The following RYR2 variants were observed in gnomAD, a reference collection of about 807,000 sequenced individuals.
RYR2 encodes ryanodine receptor 2, also known as cardiac muscle ryanodine receptor-calcium release channel.
RYR2 carries 227 observed loss-of-function variants against 601.1 expected under a neutral mutation model. That is an observed-to-expected ratio of 0.38 (90% CI 0.34 to 0.42). The LOEUF is 0.42. Ranked by LOEUF, RYR2 falls within the 10% of genes least tolerant of loss-of-function variation. The pLI is 1.00. For missense variants in RYR2, 4,646 were observed against 6,156.5 expected (o/e 0.75, Z 8.21); for synonymous variants, 2,223 against 2,175.1 (o/e 1.02, Z -0.61).
rs75090182 is a variant in RYR2, at chr1:237,579,367, C to T, written c.3598+10048C>T. 2.0e-4 allele frequency among the ~76,000 whole-genome samples: 30 copies of T among 150,282 alleles called. No homozygotes were observed. In the East Asian group the frequency reaches 5.9e-3, roughly 30 times the overall value. ...CGCCTCCTGAGTTCAAGCGATTCTC[C>T]TGTCTCAGCCTCCAGAGTAGCTGGG... is the stretch of plus-strand genomic sequence containing the variant. On this transcript the variant is annotated intron_variant, in intron 29 of 104. Transcript: ENST00000366574.
chr1:237,670,317 G>T (rs1423282255), intron 58 of RYR2, among the ~76,000 whole-genome samples: 1 of 134,406 alleles, frequency 7.4e-6, no homozygotes, highest in Non-Finnish European at 1.6e-5. Context: ...ACTGGAGAGG[G>T]AGAGGGAGAG....
intron 43 of RYR2, among the ~76,000 whole-genome samples, chr1:237,634,157 A>G (rs1680624101): frequency 6.6e-6 from 1 of 152,230 alleles, no homozygotes; most frequent in Non-Finnish European, 1.5e-5. Flanking sequence ...AGATACGTGT[A>G]CTTCCATGGT....
intron 37 of RYR2, among the ~76,000 whole-genome samples, chr1:237,616,351 C>T (rs1678467368): frequency 1.3e-5 from 2 of 152,080 alleles, no homozygotes; most frequent in Non-Finnish European, 2.9e-5. Flanking sequence ...AGTTATAAAT[C>T]CTTTTGGTTT....
Position 237,503,625 on chromosome 1 carries a change from A to G in RYR2, c.2613+120A>G, listed in dbSNP as rs1664894165. 8 of 845,084 alleles carry G rather than the reference A, an allele frequency of 9.5e-6. No individual in the cohort carries two copies. The South Asian group carries it at 1.3e-4, about 14-fold the overall frequency. 52.3% of individuals were successfully genotyped at this position (845,084 alleles called of 1,614,324 possible). On this transcript the variant is annotated intron_variant, in intron 22 of 104. Transcript: ENST00000366574. ...TCACAGTAATACAGTTGTACAGTTG[A>G]CATGTAGGACTGAAATGAGTCTCAT... is the stretch of plus-strand genomic sequence containing the variant.
intron 66 of RYR2, among the ~76,000 whole-genome samples, chr1:237,704,124 T>G (rs1022426424): frequency 6.6e-6 from 1 of 152,078 alleles, no homozygotes; most frequent in African/African-American, 2.4e-5. Context: ...AGGTAGAAGC[T>G]ATATGAGGTA....
intron 1 of RYR2, among the ~76,000 whole-genome samples, chr1:237,109,735 AT>A (rs200488604): frequency 0.27 from 40,139 of 149,664 alleles, 5,448 homozygotes; most frequent in East Asian, 0.5. Flanking sequence ...AAAAAAAATA[AT>A]AATAATAATT....
chr1:237,080,727 C>T lies in RYR2; in HGVS notation c.48+38158C>T, dbSNP rs1438332678. Among the ~76,000 whole-genome samples, 13 of 67,814 alleles carry T rather than the reference C, an allele frequency of 1.9e-4. 1 individual carries two copies. Among genetic ancestry groups the T allele is most frequent in the South Asian group, 6.1e-4 (1 of 1,642 alleles). 44.5% of individuals were successfully genotyped at this position (67,814 alleles called of 152,430 possible). A position where few individuals can be genotyped will look rare whatever the true frequency, so the allele number is the denominator to read the frequency against. ...CATTGTGGAAGTCAGTGTGGCGATT[C>T]CTCAGGGATCTAGAACTAGAAATAC... On this transcript the variant is annotated intron_variant, in intron 1 of 104. Coordinates refer to ENST00000366574, the MANE Select transcript of RYR2 (RefSeq NM_001035.3).
intron 1 of RYR2, among the ~76,000 whole-genome samples, chr1:237,260,941 T>C (rs894257874): frequency 5.3e-5 from 8 of 152,228 alleles, no homozygotes; most frequent in African/African-American, 1.9e-4. Flanking sequence ...AATGAATAAA[T>C]ATAGACTGAG....
Position 237,375,810 on chromosome 1 carries a change from A to C in RYR2, c.463+1015A>C, listed in dbSNP as rs1423218621. ...TATTTCAGCACACAGTTAAATGAGA[A>C]AGTTGTCAGTTCTCTCTTCAAAAGA... On this transcript the variant is annotated intron_variant, in intron 7 of 104. Coordinates refer to ENST00000366574, the MANE Select transcript of RYR2 (RefSeq NM_001035.3). Among the ~76,000 whole-genome samples, 5 of 152,294 alleles carry C rather than the reference A, an allele frequency of 3.3e-5. No homozygotes were observed. In the East Asian group the frequency reaches 9.6e-4, roughly 29 times the overall value.
chr1:237,043,933 CTCTT>C (rs1660239943), intron 1 of RYR2, among the ~76,000 whole-genome samples: 2 of 152,216 alleles, frequency 1.3e-5, no homozygotes, highest in Admixed American at 6.5e-5. Flanking sequence ...AAACGACTGT[CTCTT>C]TCTCTTTTGT....
In RYR2 at chr1:237,270,497, G is replaced by A. The variant is rs370488091; in HGVS notation, c.49G>A (p.Asp17Asn). The A allele has an allele frequency of 1.2e-5, 19 of 1,575,768 alleles. No homozygotes were observed. The South Asian group carries it at 2.0e-4, about 16-fold the overall frequency. The change falls in exon 2 of 105, where the codon GAT (aspartate) becomes AAT (asparagine). Residue 17 changes from aspartate (D) to asparagine (N), a missense_variant and splice_region_variant. Asp to Asn is a conservative substitution (Grantham distance 23, BLOSUM62 1). This residue lies in a region of RYR2 where 153 missense variants were observed against 203.6 expected (regional missense o/e 0.75). Transcript: ENST00000366574. ...TCCCTCTCTTTCTCCCCCTTTGCAGGATGATGAAGTGGTTCTGCAGTGCAC... is the reference window on the plus strand; with the variant it reads ...TCCCTCTCTTTCTCCCCCTTTGCAGAATGATGAAGTGGTTCTGCAGTGCAC... The part of the protein sequence containing the change: ...GEDEIQFLRT[D>N]DEVVLQCTAT...
intron 58 of RYR2, among the ~76,000 whole-genome samples, chr1:237,672,874 T>C (rs1248269175): frequency 1.3e-5 from 2 of 152,216 alleles, no homozygotes; most frequent in African/African-American, 4.8e-5. Flanking sequence ...GTTAGCTTGG[T>C]AGTTCTTGAC....
At chr1:237,628,582 G>A (rs925270448) in intron 41 of RYR2, among the ~76,000 whole-genome samples, 3 of 151,940 alleles carry the variant, frequency 2.0e-5, no homozygotes, top group Admixed American at 2.0e-4. Context: ...AGTATTCCAT[G>A]GTGTATATGT....
Position 237,617,334 on chromosome 1 carries a change from A to C in RYR2, c.5764A>C (p.Ile1922Leu). 1 of 1,613,860 alleles carries C rather than the reference A, an allele frequency of 6.2e-7. No homozygotes were observed. The highest frequency in any genetic ancestry group is 8.5e-7 in the Non-Finnish European group (1 of 1,179,818). The change falls in exon 38 of 105, where the codon ATA (isoleucine) becomes CTA (leucine). Residue 1922 changes from isoleucine to leucine, a missense_variant. Physicochemically the swap from Ile to Leu is conservative, Grantham distance 5. Coordinates refer to ENST00000366574, the MANE Select transcript of RYR2 (RefSeq NM_001035.3). ...CTGTGACTGCCAGGTCCGGCACCGG[A>C]TAGAAGCCATTGTAGCCTTTTCAGA... ...YLCDCQVRHR[I>L]EAIVAFSDDF...
At position 237,589,804 on chromosome 1, in the gene RYR2, G is replaced by A. The variant is rs1435421903; in HGVS notation, c.3610G>A (p.Val1204Met). The A allele has an allele frequency of 1.9e-6, 3 of 1,613,544 alleles. No individual in the cohort carries two copies. Among genetic ancestry groups the A allele is most frequent in the Non-Finnish European group, 2.5e-6 (3 of 1,179,812 alleles). Residue 1204 changes from valine (V) to methionine (M), a missense_variant, in exon 30 of 105, where the codon GTG becomes ATG. Val to Met is a conservative substitution (Grantham distance 21, BLOSUM62 1). Around this residue, in one of 17 missense-constraint regions of RYR2, gnomAD observed 1,807 missense variants for 2,088.1 expected, o/e 0.87. Coordinates refer to ENST00000366574, the MANE Select transcript of RYR2 (RefSeq NM_001035.3). Reference sequence around the variant, plus strand: ...TTTTTTCTTCCCAGGATTCATACCTGTGTGTAGCCTTGGAGTGGCTCAAGT... The same window carrying A: ...TTTTTTCTTCCCAGGATTCATACCTATGTGTAGCCTTGGAGTGGCTCAAGT... ...DFDVGDGFIP[V>M]CSLGVAQVGR... is the part of the protein sequence containing the mutation.
At chr1:237,709,625 C>A in intron 70 of RYR2, 58 bp downstream of exon 70, 1 of 1,035,374 alleles carries the variant, frequency 9.7e-7, no homozygotes, top group Non-Finnish European at 1.5e-6. Flanking sequence ...TGCTTACTTG[C>A]CTCCTAGGTT....
intron 1 of RYR2, among the ~76,000 whole-genome samples, chr1:237,233,627 G>GA (rs1685228691): frequency 1.3e-5 from 2 of 152,168 alleles, no homozygotes; most frequent in South Asian, 4.1e-4. Context: ...AAGAGTAATG[G>GA]CTATTAGTTT....
chr1:237,222,995 G>A (rs1402971767), intron 1 of RYR2, among the ~76,000 whole-genome samples: 2 of 152,154 alleles, frequency 1.3e-5, no homozygotes, highest in African/African-American at 4.8e-5. Context: ...CTTGAACCCA[G>A]GAGGCGGAGG....
intron 63 of RYR2, among the ~76,000 whole-genome samples, chr1:237,694,408 C>T (rs1388474553): frequency 2.0e-5 from 3 of 152,002 alleles, no homozygotes; most frequent in Admixed American, 6.6e-5. Flanking sequence ...CAATCATGCG[C>T]AATCTGTAAC....
Sources: gnomAD v4.1 joint callset for allele counts (sites outside exome capture counted in the v4.1 genomes callset) on GRCh38, gnomAD v4.1.1 for gene constraint, gnomAD v4.1.1 regional missense constraint, MANE v1.5 for transcripts, NCBI Gene and HGNC (gene_info 2026-07-23, HGNC 2026-07-21) for gene names.